UCP1: variants seen among roughly 807,000 people sequenced by gnomAD.
The protein encoded by UCP1 is uncoupling protein 1.
In UCP1, 24 loss-of-function variants were observed where a neutral mutation model predicts 26.2. The ratio of observed to expected loss-of-function variants is 0.92; its 90% CI spans 0.66 to 1.29. The LOEUF (loss-of-function observed/expected upper bound fraction) is 1.29. Ranked by LOEUF, UCP1 falls within the 50% of genes most tolerant of loss-of-function variation. UCP1 has a pLI of 0.00. For missense variants in UCP1, 402 were observed against 388.7 expected, an observed-to-expected ratio of 1.03 and a Z score of -0.29; for synonymous variants, 164 against 156.8, an observed-to-expected ratio of 1.05 and a Z score of -0.34.
At chr4:140,568,095 C>A in intron 1 of UCP1, 118 bp from the exon 2 acceptor site, 1 of 1,007,986 alleles carries the variant, frequency 9.9e-7, no homozygotes, top group Non-Finnish European at 1.5e-6. Context: ...CTCTTCCATC[C>A]ACCTCCCTCT....
chr4:140,562,184 A>T lies in UCP1; in HGVS notation c.809+9T>A, dbSNP rs142396002. On this transcript the variant is annotated intron_variant, in intron 5 of 5. Coordinates refer to ENST00000262999, the MANE Select transcript of UCP1 (RefSeq NM_021833.5). ...GAACACATTACAGATACACAAGATC[A>T]TATCTTACCCCTTGAAGAAAGCCGT... is the stretch of plus-strand genomic sequence containing the variant. The T allele has an allele frequency of 6.2e-7, 1 of 1,614,144 alleles. No homozygotes were observed. The highest frequency in any genetic ancestry group is 2.2e-5 in the East Asian group (1 of 44,884).
intron 5 of UCP1, 123 bp downstream of exon 5, chr4:140,562,070 G>T: frequency 8.6e-7 from 1 of 1,166,496 alleles, no homozygotes; most frequent in Non-Finnish European, 1.3e-6. Context: ...GCAAGGAAAA[G>T]TCAATACTAA....
Position 140,563,486 on chromosome 4 carries a change from C to G in UCP1, c.358G>C (p.Gly120Arg). The change falls in exon 3 of 6, where the codon GGT becomes CGT. Residue 120 changes from glycine (G) to arginine (R), a missense_variant. Coordinates refer to ENST00000262999, the MANE Select transcript of UCP1 (RefSeq NM_021833.5). ...ACTGCCACTCCTCCAGTCGTTAGAC[C>G]AGCTAAAATCTTGCTTCCTAAACTA... is the stretch of plus-strand genomic sequence containing the variant. ...APSLGSKILA[G>R]LTTGGVAVFI... 6.2e-7 allele frequency: 1 copy of G among 1,613,932 alleles called. No homozygotes were observed. The highest frequency in any genetic ancestry group is 8.5e-7 in the Non-Finnish European group (1 of 1,180,006).
chr4:140,561,046 A>G (rs1472040487), intron 5 of UCP1, among the ~76,000 whole-genome samples: 1 of 152,164 alleles, frequency 6.6e-6, no homozygotes, highest in Non-Finnish European at 1.5e-5. Flanking sequence ...ATGTTGTAGT[A>G]TTTCTTCCCC....
At position 140,559,733 on chromosome 4, in the gene UCP1, A is replaced by C; in HGVS notation, c.*163T>G. 1.5e-6 allele frequency: 1 copy of C among 662,436 alleles called. No individual in the cohort carries two copies. The highest frequency in any genetic ancestry group is 2.6e-6 in the Non-Finnish European group (1 of 388,442). 41.0% of individuals were successfully genotyped at this position (662,436 alleles called of 1,614,324 possible). A position where few individuals can be genotyped will look rare whatever the true frequency, so the allele number is the denominator to read the frequency against. Reference sequence around the variant, plus strand: ...ACTGAGAAAAAAAAAAAGTTATATGAAATAGGCATTAATTTTCCTCTTTTT... The same window carrying C: ...ACTGAGAAAAAAAAAAAGTTATATGCAATAGGCATTAATTTTCCTCTTTTT... On this transcript the variant is annotated 3_prime_UTR_variant, in exon 6 of 6. Coordinates refer to ENST00000262999, the MANE Select transcript of UCP1 (RefSeq NM_021833.5).
rs1487768089 is a variant in UCP1 at position 140,568,697 on chromosome 4, CG to C, written c.32del (p.Pro11ArgfsTer12). ...CTGAGAAGAGCTGGACCCCCAGGGT[CG>C]GGTGTACGTCCGAGGCTGTCAGGCC... The part of the protein sequence containing the change: MGGLTASDVH[P>X]TLGVQLFSAG... On this transcript the variant is annotated frameshift_variant, in exon 1 of 6. Transcript: ENST00000262999. LOFTEE classifies it high-confidence loss of function. The C allele has an allele frequency of 1.2e-6, 2 of 1,603,766 alleles. No individual in the cohort carries two copies. Among genetic ancestry groups the C allele is most frequent in the Non-Finnish European group, 8.5e-7 (1 of 1,176,200 alleles).
chr4:140,562,842 C>G (rs1490089547), intron 4 of UCP1, among the ~76,000 whole-genome samples: 1 of 151,966 alleles, frequency 6.6e-6, no homozygotes, highest in Non-Finnish European at 1.5e-5. Context: ...TAACAAAAGT[C>G]CCATATATTA....
At chr4:140,565,098 C>G (rs1477470075) in intron 2 of UCP1, among the ~76,000 whole-genome samples, 1 of 152,178 alleles carries the variant, frequency 6.6e-6, no homozygotes, top group Admixed American at 6.5e-5. Context: ...TGGAATCTGG[C>G]TCAGATTTTC....
In UCP1 at chr4:140,563,186, A is replaced by G. The variant is rs202215906; in HGVS notation, c.552T>C (p.Ser184=). ...CTAGCTCTGTACAATTGATGATGAC[A>G]CTTCTCATCAGATTGGGAGTAGTCC... is the stretch of plus-strand genomic sequence containing the variant. ...WKGTTPNLMR[S]VIINCTELVT... is the part of the protein sequence containing the mutation. Residue 184 remains serine (S), a synonymous_variant, in exon 4 of 6, where the codon AGT becomes AGC. Coordinates refer to ENST00000262999, the MANE Select transcript of UCP1 (RefSeq NM_021833.5). 117 of 1,613,592 alleles carry G rather than the reference A, an allele frequency of 7.3e-5. No individual in the cohort carries two copies. Among genetic ancestry groups the G allele is most frequent in the Middle Eastern group, 3.3e-4 (2 of 6,062 alleles).
Position 140,568,622 on chromosome 4 carries a change from C to T in UCP1, c.108G>A (p.Thr36=), listed in dbSNP as rs1484249397. The change falls in exon 1 of 6, where the codon ACG becomes ACA. Residue 36 remains threonine, a synonymous_variant. Transcript: ENST00000262999. ...TAGCTACCTGGAGCCGGACTTTGGC[C>T]GTGTCCAGCGGGAAGGTGATCACGT... ...LADVITFPLD[T]AKVRLQVQGE... The T allele has an allele frequency of 6.2e-7, 1 of 1,613,520 alleles. No homozygotes were observed. Among genetic ancestry groups the T allele is most frequent in the South Asian group, 1.1e-5 (1 of 90,808 alleles).
chr4:140,566,174 C>A (rs552271035), intron 2 of UCP1, among the ~76,000 whole-genome samples: 1 of 152,220 alleles, frequency 6.6e-6, no homozygotes, highest in South Asian at 2.1e-4. Flanking sequence ...AGAATGTATC[C>A]CCATCGTTAA....
At chr4:140,567,509 A>G (rs913808475) in intron 2 of UCP1, among the ~76,000 whole-genome samples, 2 of 152,220 alleles carry the variant, frequency 1.3e-5, no homozygotes, top group African/African-American at 4.8e-5. Flanking sequence ...ATTTTTCTGT[A>G]GCCCACCCAT....
chr4:140,568,063 G>C (rs1735843306), intron 1 of UCP1, 86 bp from the exon 2 acceptor site: 2 of 1,446,976 alleles, frequency 1.4e-6, no homozygotes, highest in African/African-American at 2.8e-5. Context: ...CCTATTTTCC[G>C]TTTCTTTTCT....
chr4:140,562,964 A>T, intron 4 of UCP1, 146 bp downstream of exon 4: 1 of 717,266 alleles, frequency 1.4e-6, no homozygotes, highest in Non-Finnish European at 2.3e-6. Context: ...CCTGCTTCTC[A>T]CAAAGTTATA....
intron 5 of UCP1, among the ~76,000 whole-genome samples, chr4:140,560,458 CTT>C (rs1427424166): frequency 1.3e-5 from 2 of 152,098 alleles, no homozygotes; most frequent in Non-Finnish European, 2.9e-5. Context: ...TTCAAAAACT[CTT>C]TCCTTTTTTG....
chr4:140,563,023 A>T, intron 4 of UCP1, 87 bp downstream of exon 4: 1 of 1,027,578 alleles, frequency 9.7e-7, no homozygotes, highest in Non-Finnish European at 1.5e-6. Context: ...TATTGGAGTT[A>T]AGAGATTGAG....
intron 5 of UCP1, among the ~76,000 whole-genome samples, chr4:140,561,801 T>C (rs1029516027): frequency 3.3e-5 from 5 of 152,212 alleles, no homozygotes; most frequent in Admixed American, 6.5e-5. Context: ...TTATCTCTAG[T>C]TTTACAATGT....
At chr4:140,562,993 A>G (rs1735711633) in intron 4 of UCP1, 117 bp downstream of exon 4, 3 of 869,120 alleles carry the variant, frequency 3.5e-6, no homozygotes, top group Non-Finnish European at 5.5e-6. Context: ...AAAATTACTT[A>G]ATTTTTAAAA....
chr4:140,559,929 T>C lies in UCP1; in HGVS notation c.891A>G (p.Ser297=), dbSNP rs766778249. 1.2e-6 allele frequency: 2 copies of C among 1,614,162 alleles called. No homozygotes were observed. The highest frequency in any genetic ancestry group is 2.2e-5 in the East Asian group (1 of 44,880). Reference sequence around the variant, plus strand: ...CACAGTCCATAGTCTGCCTTGACTTTGACAGTTCTCGTTTCAGTTGTTCAA... The same window carrying C: ...CACAGTCCATAGTCTGCCTTGACTTCGACAGTTCTCGTTTCAGTTGTTCAA... The part of the protein sequence containing the change: ...VCFEQLKREL[S]KSRQTMDCAT The change falls in exon 6 of 6, where the codon TCA becomes TCG. Residue 297 remains serine, a synonymous_variant. Coordinates refer to ENST00000262999, the MANE Select transcript of UCP1 (RefSeq NM_021833.5).
Sources: gnomAD v4.1 joint callset for allele counts (sites outside exome capture counted in the v4.1 genomes callset) on GRCh38, gnomAD v4.1.1 for gene constraint, MANE v1.5 for transcripts, NCBI Gene and HGNC (gene_info 2026-07-23, HGNC 2026-07-21) for gene names.